The following PABPC4L variants were observed in gnomAD, a reference collection of about 807,000 sequenced individuals.
PABPC4L encodes the protein poly(A) binding protein cytoplasmic 4 like, also known as polyadenylate-binding protein 4-like.
For synonymous variants in PABPC4L, 169 were observed against 164.1 expected (o/e 1.03, Z -0.23); for missense variants, 452 against 451.4 (o/e 1.00, Z -0.01).
the PABPC4L span, among the ~76,000 whole-genome samples, chr4:133,961,636 T>G: frequency 1.3e-5 from 2 of 152,062 alleles, no homozygotes; most frequent in Non-Finnish European, 2.9e-5. Flanking sequence ...GGAGCTCTGT[T>G]TTCACTTTAT....
chr4:134,046,102 G>T, the PABPC4L span, among the ~76,000 whole-genome samples: 1 of 152,052 alleles, frequency 6.6e-6, no homozygotes, highest in African/African-American at 2.4e-5. Context: ...GGGCCCAGGG[G>T]ACCGGCACTC....
chr4:133,973,999 A>C, the PABPC4L span, among the ~76,000 whole-genome samples: 1 of 152,142 alleles, frequency 6.6e-6, no homozygotes, highest in Admixed American at 6.6e-5. Flanking sequence ...GAGGCTTGAG[A>C]TAATCTAAAT....
the PABPC4L span, among the ~76,000 whole-genome samples, chr4:133,970,008 T>A: frequency 6.7e-6 from 1 of 150,166 alleles, no homozygotes; most frequent in East Asian, 1.9e-4. Context: ...ACACACAACT[T>A]TCTTGTTAAA....
the PABPC4L span, among the ~76,000 whole-genome samples, chr4:134,031,106 A>T: frequency 2.0e-5 from 3 of 152,028 alleles, no homozygotes; most frequent in African/African-American, 2.4e-5. Context: ...GATATTCCAG[A>T]TGTCTAATTT....
At chr4:134,076,715 C>A in the PABPC4L span, among the ~76,000 whole-genome samples, 1 of 152,008 alleles carries the variant, frequency 6.6e-6, no homozygotes, top group African/African-American at 2.4e-5. Flanking sequence ...GTCAGGTAAG[C>A]AACTGAGCAT....
the PABPC4L span, among the ~76,000 whole-genome samples, chr4:134,097,086 C>G: frequency 2.0e-5 from 3 of 151,844 alleles, no homozygotes. Context: ...GGAGAAAATG[C>G]TCATCAGAAT....
At chr4:134,137,368 A>G in the PABPC4L span, among the ~76,000 whole-genome samples, 14 of 152,054 alleles carry the variant, frequency 9.2e-5, no homozygotes, top group South Asian at 2.9e-3. Flanking sequence ...AGGATCTTCT[A>G]CAATGAAATC....
the PABPC4L span, among the ~76,000 whole-genome samples, chr4:133,975,588 G>A: frequency 6.6e-6 from 1 of 152,084 alleles, no homozygotes. Flanking sequence ...TGGGGAAACT[G>A]AAACATCCAA....
the PABPC4L span, among the ~76,000 whole-genome samples, chr4:134,167,774 C>T: frequency 6.6e-6 from 1 of 151,972 alleles, no homozygotes; most frequent in Non-Finnish European, 1.5e-5. Flanking sequence ...AATACTGGAG[C>T]ACCCAGATAT....
the PABPC4L span, among the ~76,000 whole-genome samples, chr4:134,103,132 T>C: frequency 1.3e-5 from 2 of 151,718 alleles, no homozygotes; most frequent in African/African-American, 4.8e-5. Flanking sequence ...GATTAAAATA[T>C]AAATCATGAT....
chr4:134,049,429 C>A, the PABPC4L span, among the ~76,000 whole-genome samples: 281 of 152,210 alleles, frequency 1.8e-3, 2 homozygotes, highest in Middle Eastern at 0.01. Flanking sequence ...AGGAAAATGT[C>A]TGGCTATAGG....
the PABPC4L span, among the ~76,000 whole-genome samples, chr4:134,003,782 C>T: frequency 0.017 from 2,568 of 151,748 alleles, 39 homozygotes; most frequent in Non-Finnish European, 0.025. Context: ...AATCTTTACA[C>T]GGGAAGCAAA....
chr4:133,949,368 A>T, the PABPC4L span, among the ~76,000 whole-genome samples: 21 of 152,070 alleles, frequency 1.4e-4, no homozygotes, highest in African/African-American at 5.1e-4. Context: ...AGTTATGTTG[A>T]TTATCAGCTT....
chr4:134,146,214 A>G, the PABPC4L span, among the ~76,000 whole-genome samples: 3 of 152,118 alleles, frequency 2.0e-5, no homozygotes, highest in South Asian at 6.2e-4. Flanking sequence ...TAGCAAAATA[A>G]TATAATGAGA....
chr4:134,119,630 A>G, the PABPC4L span, among the ~76,000 whole-genome samples: 1 of 151,686 alleles, frequency 6.6e-6, no homozygotes, highest in Admixed American at 6.6e-5. Flanking sequence ...TTTACAAGTC[A>G]ATACATCTTA....
At chr4:134,053,199 T>C in the PABPC4L span, among the ~76,000 whole-genome samples, 1 of 151,996 alleles carries the variant, frequency 6.6e-6, no homozygotes, top group Non-Finnish European at 1.5e-5. Context: ...AGGAAAAAAA[T>C]AGAATGTAAT....
chr4:134,118,670 T>A, the PABPC4L span, among the ~76,000 whole-genome samples: 1 of 151,828 alleles, frequency 6.6e-6, no homozygotes, highest in Non-Finnish European at 1.5e-5. Flanking sequence ...ACAGCTGGAT[T>A]TTATTTGTTG....
chr4:134,015,047 C>T, the PABPC4L span, among the ~76,000 whole-genome samples: 4 of 152,136 alleles, frequency 2.6e-5, no homozygotes, highest in African/African-American at 7.2e-5. Flanking sequence ...TTTATCCCCC[C>T]ACCTTAACCC....
At chr4:134,023,663 A>T in the PABPC4L span, among the ~76,000 whole-genome samples, 1 of 152,040 alleles carries the variant, frequency 6.6e-6, no homozygotes, top group African/African-American at 2.4e-5. Flanking sequence ...TTTAAAAAAC[A>T]TGTAAATTAA....
Sources: gnomAD v4.1 joint callset for allele counts (sites outside exome capture counted in the v4.1 genomes callset) on GRCh38, gnomAD v4.1.1 for gene constraint, MANE v1.5 for transcripts, NCBI Gene and HGNC (gene_info 2026-07-23, HGNC 2026-07-21) for gene names.